Variants in EGFLAM observed in about 807,000 individuals in gnomAD.
The protein encoded by EGFLAM is EGF like, fibronectin type III and laminin G domains, also known as pikachurin.
A neutral mutation model predicts 113.1 loss-of-function variants in EGFLAM; 79 were observed. The ratio of observed to expected loss-of-function variants is 0.70; its 90% CI spans 0.58 to 0.84. The LOEUF is 0.84. Among genes scored for constraint, EGFLAM ranks in the 40% least tolerant of loss-of-function variants. EGFLAM has a pLI of 0.00. For synonymous variants in EGFLAM, 504 were observed against 487.6 expected (o/e 1.03, Z -0.44); for missense variants, 1,265 against 1,291.6 (o/e 0.98, Z 0.32).
At chr5:38,372,766 C>T (rs563101642) in intron 6 of EGFLAM, among the ~76,000 whole-genome samples, 1 of 152,202 alleles carries the variant, frequency 6.6e-6, no homozygotes, top group East Asian at 1.9e-4. Context: ...ATCAGAATAA[C>T]AAAATTTATT....
At chr5:38,369,860 T>C (rs1030570215) in intron 5 of EGFLAM, among the ~76,000 whole-genome samples, 2 of 152,254 alleles carry the variant, frequency 1.3e-5, no homozygotes, top group African/African-American at 4.8e-5. Flanking sequence ...ATTCATGCAA[T>C]TAGTCACCCT....
At chr5:38,322,678 T>C (rs939489609) in intron 1 of EGFLAM, among the ~76,000 whole-genome samples, 1 of 152,186 alleles carries the variant, frequency 6.6e-6, no homozygotes, top group East Asian at 1.9e-4. Context: ...TTGGGAATGA[T>C]GGATTACTCC....
In EGFLAM at chr5:38,436,193, T is replaced by G. The variant is rs377485570; in HGVS notation, c.2283+940T>G. Among the ~76,000 whole-genome samples, 8 of 152,324 alleles carry G rather than the reference T, an allele frequency of 5.3e-5. No individual in the cohort carries two copies. In the South Asian group the frequency reaches 8.3e-4, roughly 16 times the overall value. ...AGTCATGCTCTGTCTGCAACAGACCTGCAGCTTGACTCCCCAGCCCAGGTG... is the reference window on the plus strand; with the variant it reads ...AGTCATGCTCTGTCTGCAACAGACCGGCAGCTTGACTCCCCAGCCCAGGTG... On this transcript the variant is annotated intron_variant, in intron 16 of 21. Coordinates refer to ENST00000322350, the MANE Select transcript of EGFLAM (RefSeq NM_152403.4).
Position 38,438,337 on chromosome 5 carries a change from G to A in EGFLAM, c.2346G>A (p.Glu782=). 1 of 1,614,130 alleles carries A rather than the reference G, an allele frequency of 6.2e-7. No homozygotes were observed. The highest frequency in any genetic ancestry group is 1.3e-5 in the African/African-American group (1 of 75,076). The part of the protein sequence containing the change: ...KHDFTSGVNV[E]NAAHPCVRAP... ...ACTTCACCTCCGGAGTGAATGTGGA[G>A]AATGCGGCCCACCCCTGTGTGAGAG... is the stretch of plus-strand genomic sequence containing the variant. The change falls in exon 17 of 22, where the codon GAG becomes GAA. Residue 782 remains glutamate, a synonymous_variant. Transcript: ENST00000322350.
intron 1 of EGFLAM, among the ~76,000 whole-genome samples, chr5:38,276,693 AAAGAG>A (rs1226683011): frequency 1.3e-5 from 2 of 152,132 alleles, no homozygotes; most frequent in African/African-American, 4.8e-5. Context: ...ACTAGAAAAA[AAAGAG>A]AAGAGTAAAT....
chr5:38,371,268 A>G (rs1245563498), intron 6 of EGFLAM, among the ~76,000 whole-genome samples: 7 of 152,208 alleles, frequency 4.6e-5, no homozygotes, highest in Non-Finnish European at 7.3e-5. Context: ...TTGCCAATAC[A>G]TTCCTCCGGT....
intron 3 of EGFLAM, among the ~76,000 whole-genome samples, chr5:38,348,644 A>T (rs1480264823): frequency 1.3e-5 from 2 of 152,124 alleles, no homozygotes; most frequent in African/African-American, 2.4e-5. Context: ...GTTCAGGAGT[A>T]AATAGGAGGT....
chr5:38,329,322 TAAATAAATA>T (rs1252041574), intron 1 of EGFLAM, among the ~76,000 whole-genome samples: 2 of 151,106 alleles, frequency 1.3e-5, no homozygotes, highest in Non-Finnish European at 2.9e-5. Context: ...AATAAATAAA[TAAATAAATA>T]AATAAATTTT....
intron 18 of EGFLAM, among the ~76,000 whole-genome samples, chr5:38,450,888 C>T (rs932817423): frequency 1.5e-4 from 23 of 152,226 alleles, no homozygotes; most frequent in African/African-American, 4.3e-4. Context: ...GGACAGTCAC[C>T]GGCCAGAGCT....
intron 13 of EGFLAM, 63 bp downstream of exon 13, chr5:38,425,155 A>G: frequency 6.4e-7 from 1 of 1,567,600 alleles, no homozygotes; most frequent in African/African-American, 1.4e-5. Context: ...GATGTACTTT[A>G]TCATCAATAT....
chr5:38,458,514 CT>C (rs976445650), intron 20 of EGFLAM, 120 bp downstream of exon 20: 9 of 888,248 alleles, frequency 1.0e-5, no homozygotes, highest in African/African-American at 6.7e-5. Context: ...CTAGTTACCC[CT>C]GATCCAGGGC....
chr5:38,433,420 A>G (rs1450903394), intron 15 of EGFLAM, among the ~76,000 whole-genome samples: 1 of 152,212 alleles, frequency 6.6e-6, no homozygotes, highest in Non-Finnish European at 1.5e-5. Flanking sequence ...CAGCCAAGCC[A>G]AAGTATAGGA....
At chr5:38,376,481 A>T (rs943635777) in intron 6 of EGFLAM, among the ~76,000 whole-genome samples, 2 of 152,228 alleles carry the variant, frequency 1.3e-5, no homozygotes, top group Admixed American at 1.3e-4. Flanking sequence ...TCTTCACTGA[A>T]GTGAATTGGT....
intron 17 of EGFLAM, 182 bp from the exon 18 acceptor site, chr5:38,448,119 C>A: frequency 1.6e-6 from 1 of 637,738 alleles, no homozygotes; most frequent in Admixed American, 2.8e-5. Context: ...GAGAAGCCAA[C>A]CCCAGGCCAT....
At chr5:38,362,316 A>T (rs3103369) in intron 5 of EGFLAM, among the ~76,000 whole-genome samples, 99 of 152,222 alleles carry the variant, frequency 6.5e-4, no homozygotes, top group African/African-American at 2.3e-3. Context: ...GCTCGTCATC[A>T]TAACTAAGTG....
At chr5:38,377,187 TCTCAGTTCACTGCAAC>T (rs1416984190) in intron 6 of EGFLAM, among the ~76,000 whole-genome samples, 3 of 151,858 alleles carry the variant, frequency 2.0e-5, no homozygotes, top group Admixed American at 6.6e-5. Flanking sequence ...AGTCGTGCGA[TCTCAGTTCACTGCAAC>T]CTCAGTTCAC....
chr5:38,459,322 A>G (rs1743197337), intron 20 of EGFLAM, among the ~76,000 whole-genome samples: 1 of 150,720 alleles, frequency 6.6e-6, no homozygotes, highest in Non-Finnish European at 1.5e-5. Flanking sequence ...TTTTTTTTAC[A>G]CATTACCTAA....
intron 17 of EGFLAM, among the ~76,000 whole-genome samples, chr5:38,442,698 G>A (rs1742585827): frequency 6.6e-6 from 1 of 151,668 alleles, no homozygotes; most frequent in African/African-American, 2.4e-5. Flanking sequence ...TTCTCTTTTA[G>A]TAATTGGAAC....
At chr5:38,339,882 G>A (rs998824598) in intron 3 of EGFLAM, among the ~76,000 whole-genome samples, 12 of 152,274 alleles carry the variant, frequency 7.9e-5, no homozygotes, top group East Asian at 3.9e-4. Flanking sequence ...AGCATTGGCC[G>A]CAGAAGCTGT....
Sources: allele counts gnomAD v4.1 joint callset (sites outside exome capture counted in the v4.1 genomes callset), GRCh38; gene constraint gnomAD v4.1.1; transcripts MANE v1.5; gene names NCBI Gene and HGNC (gene_info 2026-07-23, HGNC 2026-07-21).